CRISP2: variants seen among roughly 807,000 people sequenced by gnomAD.
CRISP2 encodes cysteine-rich secretory protein 2.
A neutral mutation model predicts 31.7 loss-of-function variants in CRISP2; 29 were observed. The ratio of observed to expected loss-of-function variants is 0.92; its 90% confidence interval spans 0.68 to 1.25. The LOEUF (loss-of-function observed/expected upper bound fraction) is 1.25. Among genes scored for constraint, CRISP2 ranks in the 50% most tolerant of loss-of-function variants. The probability of loss-of-function intolerance (pLI) is 0.00; values close to 1 mark genes in which losing one functional copy is unlikely to be tolerated. For synonymous variants in CRISP2, 111 were observed against 101.4 expected (o/e 1.09, Z -0.57); for missense variants, 318 against 286.5 (o/e 1.11, Z -0.79).
chr6:49,683,712 TATATATATATAG>T, the CRISP2 span, among the ~76,000 whole-genome samples: 1 of 107,074 alleles, frequency 9.3e-6, no homozygotes, highest in African/African-American at 3.3e-5. Context: ...TATATATATA[TATATATATATAG>T]AAGTTGATAG....
At chr6:49,676,926 T>G in the CRISP2 span, among the ~76,000 whole-genome samples, 1 of 152,060 alleles carries the variant, frequency 6.6e-6, no homozygotes, top group Admixed American at 6.6e-5. Flanking sequence ...AAGAATAAAT[T>G]CAAAAGCAAA....
intron 2 of CRISP2, 24 bp from the exon 3 acceptor site, chr6:49,711,345 G>A (rs898649417): frequency 6.6e-6 from 1 of 152,126 alleles, no homozygotes; most frequent in African/African-American, 2.4e-5. Context: ...GAAGGTGGAA[G>A]GTTTAGAGCA....
downstream of CRISP2, among the ~76,000 whole-genome samples, chr6:49,689,866 C>A (rs1763994837): frequency 6.6e-6 from 1 of 152,064 alleles, no homozygotes; most frequent in Non-Finnish European, 1.5e-5. Context: ...ATCACTCTTT[C>A]TTTCCAGAGA....
intron 4 of CRISP2, among the ~76,000 whole-genome samples, chr6:49,701,415 T>C (rs1440963637): frequency 6.7e-6 from 1 of 149,926 alleles, no homozygotes. Context: ...CTTGGAATAA[T>C]GGTCTCCAAC....
the CRISP2 span, among the ~76,000 whole-genome samples, chr6:49,686,885 G>A: frequency 6.6e-6 from 1 of 152,166 alleles, no homozygotes; most frequent in Non-Finnish European, 1.5e-5. Context: ...AAAAAATGAT[G>A]AGTTCATGTC....
the CRISP2 span, among the ~76,000 whole-genome samples, chr6:49,677,005 G>A: frequency 1.3e-5 from 2 of 152,242 alleles, no homozygotes; most frequent in East Asian, 1.9e-4. Flanking sequence ...CTTGTGACAA[G>A]GGCTACCTTA....
At chr6:49,705,325 G>T (rs1561884802) in intron 4 of CRISP2, among the ~76,000 whole-genome samples, 1 of 152,092 alleles carries the variant, frequency 6.6e-6, no homozygotes, top group Non-Finnish European at 1.5e-5. Context: ...TAAGCTCCTA[G>T]TCAGCCAGCA....
chr6:49,684,915 T>C, the CRISP2 span, among the ~76,000 whole-genome samples: 1 of 152,186 alleles, frequency 6.6e-6, no homozygotes, highest in Admixed American at 6.5e-5. Context: ...ACTTTTTGCA[T>C]GCATACTAAC....
At chr6:49,686,512 C>T in the CRISP2 span, among the ~76,000 whole-genome samples, 1 of 152,178 alleles carries the variant, frequency 6.6e-6, no homozygotes, top group African/African-American at 2.4e-5. Flanking sequence ...GATACCATCT[C>T]ACACAAGTTA....
chr6:49,685,224 CA>C, the CRISP2 span, among the ~76,000 whole-genome samples: 1 of 152,202 alleles, frequency 6.6e-6, no homozygotes, highest in Non-Finnish European at 1.5e-5. Flanking sequence ...AACTTAAAGT[CA>C]CACTGTGTTC....
At chr6:49,703,167 A>G (rs1263987678) in intron 4 of CRISP2, among the ~76,000 whole-genome samples, 1 of 146,164 alleles carries the variant, frequency 6.8e-6, no homozygotes, top group East Asian at 2.2e-4. Flanking sequence ...ATTCTGTTCC[A>G]TTGGTCTATG....
the CRISP2 span, among the ~76,000 whole-genome samples, chr6:49,685,789 A>G: frequency 2.6e-5 from 4 of 152,084 alleles, no homozygotes; most frequent in African/African-American, 7.2e-5. Context: ...TTTATTTGAA[A>G]TATAGTTTGT....
intron 7 of CRISP2, 143 bp downstream of exon 7, chr6:49,698,219 G>C: frequency 1.0e-6 from 1 of 961,494 alleles, no homozygotes; most frequent in Non-Finnish European, 1.5e-6. Context: ...AAAAATGACA[G>C]CTCTACAACA....
Position 49,692,560 on chromosome 6 carries a change from A to T in CRISP2, c.*213T>A. The T allele has an allele frequency of 2.2e-6, 1 of 445,742 alleles. No homozygotes were observed. The highest frequency in any genetic ancestry group is 4.0e-6 in the Non-Finnish European group (1 of 249,074). 27.6% of individuals were successfully genotyped at this position (445,742 alleles called of 1,614,324 possible). On this transcript the variant is annotated 3_prime_UTR_variant, in exon 10 of 10. Transcript: ENST00000339139. The stretch of plus-strand genomic sequence containing the variant: ...CTGATTCAGTTCGTTATAAAGCACT[A>T]AATTTATGTCAGAGTTCACAGTTGT...
downstream of CRISP2, among the ~76,000 whole-genome samples, chr6:49,690,727 G>A (rs747216705): frequency 2.6e-5 from 4 of 151,784 alleles, no homozygotes; most frequent in East Asian, 5.8e-4. Context: ...TGGTTAAAAA[G>A]GTATATATCA....
rs760204944 is a variant in CRISP2, at chr6:49,698,411, T to C, written c.368A>G (p.Tyr123Cys). 34 of 1,613,310 alleles carry C rather than the reference T, an allele frequency of 2.1e-5. No homozygotes were observed. Among genetic ancestry groups the C allele is most frequent in the Non-Finnish European group, 2.6e-5 (31 of 1,179,602 alleles). Residue 123 changes from tyrosine to cysteine, a missense_variant, in exon 7 of 10, where the codon TAT becomes TGT. Physicochemically the swap from Tyr to Cys is radical, Grantham distance 194. Transcript: ENST00000339139. ...ATTGGGACTCTTTGGTCCTACACCA[T>C]AGACAAAATCTAGGATCTCGTCATA... ...SWYDEILDFVYGVGPKSPNAV... is the reference protein window; with the variant it reads ...SWYDEILDFVCGVGPKSPNAV...
chr6:49,707,508 G>T (rs1293699864), intron 4 of CRISP2, among the ~76,000 whole-genome samples: 1 of 152,128 alleles, frequency 6.6e-6, no homozygotes, highest in Admixed American at 6.5e-5. Context: ...TATAAATGAA[G>T]ACCAGGAGAT....
the CRISP2 span, among the ~76,000 whole-genome samples, chr6:49,681,168 A>G: frequency 2.6e-5 from 4 of 152,138 alleles, no homozygotes; most frequent in East Asian, 3.9e-4. Context: ...GTTAATTTTT[A>G]TATATGGTCT....
At chr6:49,701,587 G>A (rs1359371680) in intron 4 of CRISP2, among the ~76,000 whole-genome samples, 1 of 50,680 alleles carries the variant, frequency 2.0e-5, no homozygotes, top group Non-Finnish European at 3.9e-5. Context: ...ACGTGTGTGT[G>A]TATATATATA....
Sources: allele counts gnomAD v4.1 joint callset (sites outside exome capture counted in the v4.1 genomes callset), GRCh38; gene constraint gnomAD v4.1.1; transcripts MANE v1.5; gene names NCBI Gene and HGNC (gene_info 2026-07-23, HGNC 2026-07-21).